NEBL: variants seen among roughly 807,000 people sequenced by gnomAD.
The protein encoded by NEBL is nebulette.
In NEBL, 122 loss-of-function variants were observed where a neutral mutation model predicts 140.2. The ratio of observed to expected loss-of-function variants is 0.87; its 90% CI spans 0.75 to 1.01. The LOEUF is 1.01. NEBL is among the 50% of genes least tolerant of loss of function. The pLI, the probability that NEBL is intolerant of heterozygous loss-of-function variation, is 0.00. For synonymous variants in NEBL, 436 were observed against 398.9 expected (o/e 1.09, Z -1.11); for missense variants, 1,365 against 1,231.3 (o/e 1.11, Z -1.62).
intron 3 of NEBL, among the ~76,000 whole-genome samples, chr10:21,208,518 T>C (rs1048133252): frequency 6.6e-6 from 1 of 152,182 alleles, no homozygotes; most frequent in African/African-American, 2.4e-5. Context: ...CTCTAATTAA[T>C]TTTATAAAGT....
Position 21,172,472 on chromosome 10 carries a change from C to T in NEBL, c.75G>A (p.Trp25Ter). The change falls in exon 2 of 7, where the codon TGG (tryptophan) becomes TGA (stop). Residue 25 changes from tryptophan (W) to a stop codon, truncating the protein, a stop_gained. Transcript: ENST00000417816. LOFTEE classifies it high-confidence loss of function. ...CCTCACAATGGAAACATCCTTTATG[C>T]CAATACTGGAAAAAAAAAAAAAACA... The T allele has an allele frequency of 6.3e-7, 1 of 1,594,908 alleles. No individual in the cohort carries two copies. The highest frequency in any genetic ancestry group is 1.4e-5 in the African/African-American group (1 of 70,550).
At chr10:21,226,043 G>A (rs1392623832) in intron 3 of NEBL, among the ~76,000 whole-genome samples, 3 of 152,098 alleles carry the variant, frequency 2.0e-5, no homozygotes, top group African/African-American at 7.2e-5. Flanking sequence ...TCCACAACAA[G>A]TATTGCATGT....
In NEBL at chr10:21,292,171, T is replaced by C. The variant is rs376564288; in HGVS notation, n.182+659A>G. On this transcript the variant is annotated intron_variant and non_coding_transcript_variant, in intron 1 of 8. Transcript: ENST00000675702. ...CTTCAAAGAGGATATTTCAAGGAAG[T>C]CTTTCATCAAAAACTGCTAATTTAA... 5.3e-5 allele frequency among the ~76,000 whole-genome samples: 8 copies of C among 152,306 alleles called. No homozygotes were observed. The East Asian group carries it at 9.6e-4, about 18-fold the overall frequency.
chr10:20,927,194 G>C lies in NEBL; in HGVS notation c.357+34478C>G, dbSNP rs550846685. Among the ~76,000 whole-genome samples, 5 of 152,306 alleles carry C rather than the reference G, an allele frequency of 3.3e-5. No homozygotes were observed. In the South Asian group the frequency reaches 1.0e-3, roughly 32 times the overall value. ...AGATGGGGAATGAAGAAGAATAAAA[G>C]GAATGGACCATGAGTTCAAGTTTGG... On this transcript the variant is annotated intron_variant, in intron 4 of 6. Coordinates refer to the NEBL transcript ENST00000417816.
intron 2 of NEBL, among the ~76,000 whole-genome samples, chr10:21,067,173 G>GT (rs750341601): frequency 2.4e-4 from 36 of 151,844 alleles, no homozygotes; most frequent in Non-Finnish European, 4.1e-4. Flanking sequence ...GGGTTTCACC[G>GT]TGTTAGCCAG....
At chr10:20,829,245 A>G (rs1265456311) in intron 16 of NEBL, among the ~76,000 whole-genome samples, 2 of 152,140 alleles carry the variant, frequency 1.3e-5, no homozygotes. Flanking sequence ...ACCATGGAAT[A>G]CTATGCAGCC....
intron 2 of NEBL, among the ~76,000 whole-genome samples, chr10:21,034,002 CA>C (rs112495822): frequency 2.0e-5 from 3 of 150,910 alleles, no homozygotes; most frequent in African/African-American, 4.8e-5. Context: ...CTCATCTCTA[CA>C]AAAAAATACA....
intron 3 of NEBL, among the ~76,000 whole-genome samples, chr10:21,244,107 C>T (rs1376404794): frequency 1.3e-5 from 2 of 152,120 alleles, no homozygotes; most frequent in Non-Finnish European, 2.9e-5. Context: ...TTCTTCATCT[C>T]ACCCCTTTCA....
At chr10:21,243,150 G>A (rs190539227) in intron 3 of NEBL, among the ~76,000 whole-genome samples, 7 of 152,192 alleles carry the variant, frequency 4.6e-5, no homozygotes, top group East Asian at 3.9e-4. Flanking sequence ...CTCCTGTTCC[G>A]GGAGTGGGAA....
In NEBL at chr10:21,082,535, T is replaced by TAAAAAAAAAAAAAAAA. The variant is rs61234594; in HGVS notation, c.165-62350_165-62335dup. ...AGTTTGAAGTGTTCCCCACCACCACTAAAAAAAAAAAAAAAAAAAAAAAAA... is the reference window on the plus strand; with the variant it reads ...AGTTTGAAGTGTTCCCCACCACCACTAAAAAAAAAAAAAAAAAAAAAAAAAAAAAAAAAAAAAAAAA... On this transcript the variant is annotated intron_variant, in intron 2 of 6. Transcript: ENST00000417816. Among the ~76,000 whole-genome samples the TAAAAAAAAAAAAAAAA allele has an allele frequency of 4.8e-4, 56 of 117,282 alleles. 3 individuals are homozygous for TAAAAAAAAAAAAAAAA. Among genetic ancestry groups the TAAAAAAAAAAAAAAAA allele is most frequent in the African/African-American group, 1.6e-3 (40 of 25,264 alleles). The allele number at this position is 117,282 out of a possible 152,430, so 76.9% of individuals were successfully genotyped here.
At chr10:20,956,939 T>G (rs1835834325) in intron 4 of NEBL, among the ~76,000 whole-genome samples, 2 of 152,228 alleles carry the variant, frequency 1.3e-5, no homozygotes, top group Admixed American at 1.3e-4. Flanking sequence ...AAATTTCGCC[T>G]TTGGGGATTT....
At chr10:21,092,266 C>T (rs1245731974) in intron 2 of NEBL, among the ~76,000 whole-genome samples, 1 of 152,158 alleles carries the variant, frequency 6.6e-6, no homozygotes, top group African/African-American at 2.4e-5. Context: ...GCCATTACTA[C>T]AGTCAAGAGA....
chr10:21,020,393 C>T (rs1182058634), intron 2 of NEBL, among the ~76,000 whole-genome samples: 2 of 152,106 alleles, frequency 1.3e-5, no homozygotes, highest in Admixed American at 6.6e-5. Context: ...GTCGCCCAGA[C>T]ATCCTCACTC....
intron 13 of NEBL, among the ~76,000 whole-genome samples, chr10:20,838,161 G>A (rs1347512728): frequency 6.6e-6 from 1 of 152,154 alleles, no homozygotes; most frequent in Non-Finnish European, 1.5e-5. Flanking sequence ...TTCCTCTGAT[G>A]AATCTGGGCA....
chr10:21,254,030 G>T (rs1842623256), intron 1 of NEBL, among the ~76,000 whole-genome samples: 1 of 152,126 alleles, frequency 6.6e-6, no homozygotes, highest in South Asian at 2.1e-4. Flanking sequence ...TGAAAGACTT[G>T]ATTATTCATA....
At chr10:21,237,885 G>A (rs1782875740) in intron 3 of NEBL, among the ~76,000 whole-genome samples, 1 of 152,282 alleles carries the variant, frequency 6.6e-6, no homozygotes, top group African/African-American at 2.4e-5. Flanking sequence ...GGGATTACGA[G>A]CATGAGGCAC....
chr10:20,846,979 G>A (rs1246461888), intron 11 of NEBL, among the ~76,000 whole-genome samples: 1 of 152,084 alleles, frequency 6.6e-6, no homozygotes, highest in African/African-American at 2.4e-5. Flanking sequence ...TCTGCCATTG[G>A]AAGAAAGTAT....
intron 2 of NEBL, among the ~76,000 whole-genome samples, chr10:21,066,260 C>T (rs528205747): frequency 6.6e-6 from 1 of 152,062 alleles, no homozygotes; most frequent in Non-Finnish European, 1.5e-5. Flanking sequence ...ACAGACCCGA[C>T]ATAGGATAGG....
intron 3 of NEBL, among the ~76,000 whole-genome samples, chr10:21,010,676 G>T (rs186819696): frequency 6.6e-6 from 1 of 152,176 alleles, no homozygotes; most frequent in Non-Finnish European, 1.5e-5. Flanking sequence ...CAAATATATA[G>T]AGTTACTCTA....
Sources: allele counts gnomAD v4.1 joint callset (sites outside exome capture counted in the v4.1 genomes callset), GRCh38; gene constraint gnomAD v4.1.1; transcripts MANE v1.5; gene names NCBI Gene and HGNC (gene_info 2026-07-23, HGNC 2026-07-21).